TMEM222: variants seen among roughly 807,000 people sequenced by gnomAD.
TMEM222 encodes transmembrane protein 222.
TMEM222 carries 18 observed loss-of-function variants against 25.1 expected under a neutral mutation model. The observed-to-expected ratio is 0.72, with a 90% CI of 0.50 to 1.06. The LOEUF (loss-of-function observed/expected upper bound fraction) is 1.06, where lower values mean the gene tolerates loss of function less well. Among genes scored for constraint, TMEM222 ranks in the 50% least tolerant of loss-of-function variants. The probability of loss-of-function intolerance (pLI) is 0.00; values close to 1 mark genes in which losing one functional copy is unlikely to be tolerated. For missense variants in TMEM222, 296 were observed against 293.7 expected, an observed-to-expected ratio of 1.01 and a Z score of -0.06; for synonymous variants, 131 against 117.9, an observed-to-expected ratio of 1.11 and a Z score of -0.72.
Position 27,330,854 on chromosome 1 carries a change from G to A in TMEM222, c.279+50G>A, listed in dbSNP as rs1160152938. On this transcript the variant is annotated intron_variant, in intron 2 of 5. Transcript: ENST00000374076. Reference sequence around the variant, plus strand: ...GGGGGTTCCAAGGTTTAAGTGGAAGGCTGTCCTGTCTTGCCTGCAGGCAGG... The same window carrying A: ...GGGGGTTCCAAGGTTTAAGTGGAAGACTGTCCTGTCTTGCCTGCAGGCAGG... 1.9e-6 allele frequency: 3 copies of A among 1,607,050 alleles called. No individual in the cohort carries two copies. In the African/African-American group the frequency reaches 4.0e-5, roughly 21 times the overall value.
chr1:27,322,237 C>A lies in TMEM222; in HGVS notation c.40C>A (p.Pro14Thr). 1 of 1,462,816 alleles carries A rather than the reference C, an allele frequency of 6.8e-7. No homozygotes were observed. Among genetic ancestry groups the A allele is most frequent in the Non-Finnish European group, 9.1e-7 (1 of 1,101,720 alleles). 90.6% of individuals were successfully genotyped at this position (1,462,816 alleles called of 1,614,324 possible). ...AEGSSLLLLP[P>T]PPPPPRMAEV... ...AGGGAGTTCTCTGCTCTTGTTGCCG[C>A]CGCCGCCACCCCCGCCCAGGATGGC... The change falls in exon 1 of 6, where the codon CCG becomes ACG. Residue 14 changes from proline to threonine, a missense_variant. Pro to Thr is a conservative substitution (Grantham distance 38). Transcript: ENST00000374076.
At position 27,336,175 on chromosome 1, in the gene TMEM222, A is replaced by G. The variant is rs9203; in HGVS notation, c.*709A>G. 0.33 allele frequency: 50,087 copies of G among 152,136 alleles called. 9,282 individuals are homozygous for G. Among genetic ancestry groups the G allele is most frequent in the Non-Finnish European group, 0.42 (28,743 of 68,094 alleles). 9.4% of individuals were successfully genotyped at this position (152,136 alleles called of 1,614,324 possible). Reference sequence around the variant, plus strand: ...GTGTAGACAGAGCAGTGTAGACAGCACTCAGCCCCAGCCCCAGGTGTGGAC... The same window carrying G: ...GTGTAGACAGAGCAGTGTAGACAGCGCTCAGCCCCAGCCCCAGGTGTGGAC... On this transcript the variant is annotated 3_prime_UTR_variant, in exon 6 of 6. Transcript: ENST00000374076.
At chr1:27,334,658 G>A in intron 5 of TMEM222, 2 of 1,422,964 alleles carry the variant, frequency 1.4e-6, no homozygotes, top group South Asian at 1.3e-5. Context: ...CATAATGACT[G>A]CCCCACAGGT....
chr1:27,335,575 G>A lies in TMEM222; in HGVS notation c.*109G>A, dbSNP rs1255620349. The A allele has an allele frequency of 6.4e-6, 7 of 1,097,622 alleles. No individual in the cohort carries two copies. Among genetic ancestry groups the A allele is most frequent in the Non-Finnish European group, 6.7e-6 (5 of 743,444 alleles). 68.0% of individuals were successfully genotyped at this position (1,097,622 alleles called of 1,614,324 possible). ...CCCAAAAGGCAGGGTTGGGCCTGCT[G>A]TTGTGGACCGGGGGTCGGGGCTGGC... On this transcript the variant is annotated 3_prime_UTR_variant, in exon 6 of 6. Coordinates refer to ENST00000374076, the MANE Select transcript of TMEM222 (RefSeq NM_032125.3).
At chr1:27,335,327 T>G (rs182532853) in intron 5 of TMEM222, 52 bp from the exon 6 acceptor site, 2 of 1,573,404 alleles carry the variant, frequency 1.3e-6, no homozygotes, top group Non-Finnish European at 1.7e-6. Flanking sequence ...GCGGGCCGCA[T>G]GCCTGCTCAC....
At chr1:27,330,679 A>G (rs998056031) in intron 1 of TMEM222, 41 bp from the exon 2 acceptor site, 3 of 1,558,260 alleles carry the variant, frequency 1.9e-6, no homozygotes, top group Middle Eastern at 1.7e-4. Context: ...TGGCTGAAAG[A>G]TCCCCTAAGC....
At chr1:27,325,321 T>C (rs2014313857) in intron 1 of TMEM222, 1 of 703,674 alleles carries the variant, frequency 1.4e-6, no homozygotes, top group Non-Finnish European at 2.6e-6. Context: ...GCGTTCCATA[T>C]TTTTGTCTCC....
intron 5 of TMEM222, chr1:27,334,694 GA>G (rs1404626368): frequency 7.2e-7 from 1 of 1,379,720 alleles, no homozygotes. Context: ...GAGATTGAGT[GA>G]GTCGCCCATG....
chr1:27,332,486 A>G lies in TMEM222; in HGVS notation c.311+385A>G. On this transcript the variant is annotated intron_variant, in intron 3 of 5. Coordinates refer to ENST00000374076, the MANE Select transcript of TMEM222 (RefSeq NM_032125.3). ...CCTTTGGGAACAAATGAGGCATGGAAGGTAGAAGAGAGGCATTGTTTGGAG... is the reference window on the plus strand; with the variant it reads ...CCTTTGGGAACAAATGAGGCATGGAGGGTAGAAGAGAGGCATTGTTTGGAG... 4.2e-6 allele frequency: 3 copies of G among 718,204 alleles called. No individual in the cohort carries two copies. The South Asian group carries it at 4.4e-5, about 11-fold the overall frequency. The allele number at this position is 718,204 out of a possible 1,614,324, so 44.5% of individuals were successfully genotyped here.
chr1:27,328,912 G>A (rs1004503072), intron 1 of TMEM222, among the ~76,000 whole-genome samples: 3 of 152,174 alleles, frequency 2.0e-5, no homozygotes, highest in Non-Finnish European at 2.9e-5. Context: ...CTCGGCCACT[G>A]GCCCTGTGAG....
rs544324080 is a variant in TMEM222 at position 27,325,694 on chromosome 1, C to T, written c.194+3303C>T. 3.7e-4 allele frequency: 314 copies of T among 839,392 alleles called. 2 individuals carry two copies. In the African/African-American group the frequency reaches 4.8e-3, roughly 13 times the overall value. 52.0% of individuals were successfully genotyped at this position (839,392 alleles called of 1,614,324 possible). ...AGTGCAAGTACTCTGTGTGGATCAG[C>T]GGCTCCATCCTGGCCTCACTGTCCA... On this transcript the variant is annotated intron_variant, in intron 1 of 5. Transcript: ENST00000374076.
intron 1 of TMEM222, among the ~76,000 whole-genome samples, chr1:27,324,986 G>A (rs921470118): frequency 6.6e-6 from 1 of 152,144 alleles, no homozygotes; most frequent in Non-Finnish European, 1.5e-5. Context: ...GAGATTTGGC[G>A]GGGACAGATC....
chr1:27,328,436 T>C (rs2014404183), intron 1 of TMEM222, among the ~76,000 whole-genome samples: 1 of 152,212 alleles, frequency 6.6e-6, no homozygotes, highest in African/African-American at 2.4e-5. Context: ...AACAGGGGAA[T>C]GATGGAATCT....
intron 1 of TMEM222, chr1:27,325,376 G>A: frequency 2.0e-6 from 2 of 975,724 alleles, no homozygotes; most frequent in Non-Finnish European, 3.3e-6. Context: ...CCTCCTCCCT[G>A]GAGAAGAGCT....
At chr1:27,334,497 T>C (rs1475265064) in intron 5 of TMEM222, 1 of 1,321,084 alleles carries the variant, frequency 7.6e-7, no homozygotes, top group African/African-American at 1.5e-5. Flanking sequence ...CAAATGCAGC[T>C]CTGGCTCTTG....
chr1:27,333,932 T>G, intron 3 of TMEM222, 26 bp from the exon 4 acceptor site: 1 of 1,603,588 alleles, frequency 6.2e-7, no homozygotes. Flanking sequence ...GCCAAGCAAG[T>G]GTCCAGAGCC....
At chr1:27,333,202 TTC>T (rs2014522525) in intron 3 of TMEM222, 4 of 391,434 alleles carry the variant, frequency 1.0e-5, no homozygotes, top group South Asian at 7.4e-5. Context: ...ATCACCGTGT[TTC>T]TCTTTCTGCA....
At chr1:27,331,965 C>T in intron 2 of TMEM222, 105 bp from the exon 3 acceptor site, 2 of 1,259,758 alleles carry the variant, frequency 1.6e-6, no homozygotes, top group Non-Finnish European at 1.2e-6. Context: ...CCCCCCACCC[C>T]TGACATACCC....
chr1:27,332,714 G>A (rs950232651), intron 3 of TMEM222: 15 of 590,534 alleles, frequency 2.5e-5, no homozygotes, highest in Admixed American at 1.4e-4. Flanking sequence ...AGACTGGGCC[G>A]AGGAGGAGTT....
Sources: gnomAD v4.1 joint callset for allele counts (sites outside exome capture counted in the v4.1 genomes callset) on GRCh38, gnomAD v4.1.1 for gene constraint, MANE v1.5 for transcripts, NCBI Gene and HGNC (gene_info 2026-07-23, HGNC 2026-07-21) for gene names.